The following TOX3 variants were observed in gnomAD, a reference collection of about 807,000 sequenced individuals.
TOX3 encodes CAG trinucleotide repeat-containing gene F9 protein.
TOX3 carries 22 observed loss-of-function variants against 64.3 expected under a neutral mutation model. The observed-to-expected ratio is 0.34, with a 90% CI of 0.24 to 0.49. The LOEUF (loss-of-function observed/expected upper bound fraction) is 0.49, where lower values mean the gene tolerates loss of function less well. Ranked by LOEUF, TOX3 falls within the 20% of genes least tolerant of loss-of-function variation. TOX3 has a pLI of 0.99. For synonymous variants in TOX3, 291 were observed against 273.6 expected, an observed-to-expected ratio of 1.06 and a Z score of -0.63; for missense variants, 661 against 714.4, an observed-to-expected ratio of 0.93 and a Z score of 0.85.
intron 6 of TOX3, among the ~76,000 whole-genome samples, chr16:52,442,812 A>T (rs1039137975): frequency 6.6e-6 from 1 of 152,168 alleles, no homozygotes; most frequent in Non-Finnish European, 1.5e-5. Context: ...ACCAAACCCT[A>T]GTATTTTAAA....
intron 1 of TOX3, among the ~76,000 whole-genome samples, chr16:52,485,505 A>C (rs1201079024): frequency 1.3e-5 from 2 of 151,990 alleles, no homozygotes; most frequent in Non-Finnish European, 2.9e-5. Flanking sequence ...GGGGTGATGA[A>C]GGTTGCAGAA....
intron 1 of TOX3, among the ~76,000 whole-genome samples, chr16:52,522,190 G>A (rs1296871410): frequency 6.6e-6 from 1 of 152,030 alleles, no homozygotes; most frequent in East Asian, 1.9e-4. Context: ...AAATAATAAA[G>A]ACAATTAATA....
At chr16:52,488,125 T>C (rs1395637051) in intron 1 of TOX3, among the ~76,000 whole-genome samples, 3 of 152,182 alleles carry the variant, frequency 2.0e-5, no homozygotes, top group Admixed American at 2.0e-4. Flanking sequence ...ATGTATATTT[T>C]ATTTCTTGAC....
intron 1 of TOX3, among the ~76,000 whole-genome samples, chr16:52,538,825 C>T (rs1963016752): frequency 6.6e-6 from 1 of 152,066 alleles, no homozygotes; most frequent in South Asian, 2.1e-4. Flanking sequence ...AACATGGCCT[C>T]CCTGAGGAAG....
At chr16:52,519,413 T>C in intron 1 of TOX3, 1 of 1,551,494 alleles carries the variant, frequency 6.4e-7, no homozygotes. Context: ...TACTTTCAGA[T>C]AGGTAGTTAT....
chr16:52,544,799 G>A (rs369596479), intron 1 of TOX3, among the ~76,000 whole-genome samples: 1 of 152,132 alleles, frequency 6.6e-6, no homozygotes, highest in African/African-American at 2.4e-5. Context: ...ATTTCCTCTG[G>A]TCCCTTGAAG....
chr16:52,467,859 C>A (rs1300661537), intron 2 of TOX3, among the ~76,000 whole-genome samples: 2 of 152,180 alleles, frequency 1.3e-5, no homozygotes, highest in South Asian at 2.1e-4. Context: ...GACCCAGAGA[C>A]AATGAGGTGC....
intron 1 of TOX3, 77 bp downstream of exon 1, chr16:52,546,560 G>T (rs1963192898): frequency 2.2e-6 from 3 of 1,344,510 alleles, no homozygotes; most frequent in East Asian, 5.5e-5. Context: ...TGCAGCAGGC[G>T]GTGAGCCCGA....
intron 1 of TOX3, among the ~76,000 whole-genome samples, chr16:52,528,086 T>G (rs1434241713): frequency 6.6e-6 from 1 of 152,208 alleles, no homozygotes; most frequent in Non-Finnish European, 1.5e-5. Context: ...GGGCATCTAC[T>G]GGTGACCCCA....
At chr16:52,473,537 G>A (rs4784217) in intron 1 of TOX3, among the ~76,000 whole-genome samples, 81,260 of 152,026 alleles carry the variant, frequency 0.53, 22,084 homozygotes, top group East Asian at 0.78. Flanking sequence ...GGCAGAGGCC[G>A]GACTGCAAAG....
intron 1 of TOX3, among the ~76,000 whole-genome samples, chr16:52,504,527 G>A (rs1344684779): frequency 6.6e-6 from 1 of 150,854 alleles, no homozygotes; most frequent in Non-Finnish European, 1.5e-5. Context: ...AAATGTCTAT[G>A]TGCACACAAC....
At chr16:52,489,444 GTC>G (rs1428925167) in intron 1 of TOX3, among the ~76,000 whole-genome samples, 2 of 152,086 alleles carry the variant, frequency 1.3e-5, no homozygotes, top group East Asian at 3.9e-4. Context: ...CCATGGACAT[GTC>G]CCCCGTAGTA....
intron 1 of TOX3, among the ~76,000 whole-genome samples, chr16:52,498,914 T>C (rs1054299494): frequency 2.0e-5 from 3 of 152,182 alleles, no homozygotes; most frequent in Admixed American, 2.0e-4. Flanking sequence ...ATGCTTTCCA[T>C]TTCCTTCCTC....
Position 52,494,382 on chromosome 16 carries a change from C to T in TOX3, c.88-25808G>A, listed in dbSNP as rs150750561. On this transcript the variant is annotated intron_variant, in intron 1 of 6. Coordinates refer to ENST00000219746, the MANE Select transcript of TOX3 (RefSeq NM_001080430.4). The stretch of plus-strand genomic sequence containing the variant: ...TAAAACAAGATGGCAAGGCCTCCAC[C>T]GGCCTGGGTCCCTCCTCCACTGCCT... Among the ~76,000 whole-genome samples the T allele has an allele frequency of 1.4e-3, 208 of 152,328 alleles. 2 individuals carry two copies. The highest frequency in any genetic ancestry group is 3.7e-3 in the African/African-American group (152 of 41,580).
At chr16:52,444,188 G>A (rs1596771714) in intron 6 of TOX3, 88 bp downstream of exon 6, 7 of 994,812 alleles carry the variant, frequency 7.0e-6, no homozygotes, top group East Asian at 2.8e-5. Context: ...TCAACTTTTA[G>A]GGGAGCTACA....
intron 1 of TOX3, among the ~76,000 whole-genome samples, chr16:52,506,951 A>T (rs1221962336): frequency 6.6e-6 from 1 of 152,180 alleles, no homozygotes; most frequent in Non-Finnish European, 1.5e-5. Flanking sequence ...CCCTGATTAG[A>T]GTTGCCCATA....
chr16:52,438,834 T>G lies in TOX3; in HGVS notation c.*391A>C, dbSNP rs1959832980. 2 of 450,180 alleles carry G rather than the reference T, an allele frequency of 4.4e-6. No homozygotes were observed. Among genetic ancestry groups the G allele is most frequent in the African/African-American group, 4.1e-5 (2 of 49,228 alleles). 27.9% of individuals were successfully genotyped at this position (450,180 alleles called of 1,614,324 possible). A position where few individuals can be genotyped will look rare whatever the true frequency, so the allele number is the denominator to read the frequency against. On this transcript the variant is annotated 3_prime_UTR_variant, in exon 7 of 7. Coordinates refer to ENST00000219746, the MANE Select transcript of TOX3 (RefSeq NM_001080430.4). Reference sequence around the variant, plus strand: ...ATTTTTAGGGCTTCAGGAGTTCAGATAGCCTGGAAGTGTGGTTTACTCACT... The same window carrying G: ...ATTTTTAGGGCTTCAGGAGTTCAGAGAGCCTGGAAGTGTGGTTTACTCACT...
At chr16:52,514,271 A>T (rs9923558) in intron 1 of TOX3, among the ~76,000 whole-genome samples, 72,829 of 152,080 alleles carry the variant, frequency 0.48, 17,622 homozygotes, top group Middle Eastern at 0.59. Context: ...GGCCACCCAA[A>T]CATACAAGTT....
At chr16:52,455,600 T>C (rs1284411991) in intron 3 of TOX3, among the ~76,000 whole-genome samples, 1 of 152,154 alleles carries the variant, frequency 6.6e-6, no homozygotes, top group Non-Finnish European at 1.5e-5. Flanking sequence ...AAATAGGTTA[T>C]ACAAAAGAGA....
Sources: allele counts gnomAD v4.1 joint callset (sites outside exome capture counted in the v4.1 genomes callset), GRCh38; gene constraint gnomAD v4.1.1; transcripts MANE v1.5; gene names NCBI Gene and HGNC (gene_info 2026-07-23, HGNC 2026-07-21).